CACNA1E: variants seen among roughly 807,000 people sequenced by gnomAD.
The protein encoded by CACNA1E is voltage-dependent R-type calcium channel subunit alpha-1E.
A neutral mutation model predicts 259.2 loss-of-function variants in CACNA1E; 40 were observed. The observed-to-expected ratio is 0.15, with a 90% CI of 0.12 to 0.20. The LOEUF is 0.20. CACNA1E is among the 10% of genes least tolerant of loss of function. The pLI is 1.00. For missense variants in CACNA1E, 1,874 were observed against 3,040.1 expected (o/e 0.62, Z 9.02); for synonymous variants, 1,104 against 1,138.5 (o/e 0.97, Z 0.61).
In CACNA1E at chr1:181,692,259, A is replaced by C. The variant is rs540062278; in HGVS notation, c.1056-18695A>C. Among the ~76,000 whole-genome samples the C allele has an allele frequency of 7.2e-5, 11 of 152,086 alleles. No individual in the cohort carries two copies. The East Asian group carries it at 2.1e-3, about 29-fold the overall frequency. On this transcript the variant is annotated intron_variant, in intron 7 of 47. Transcript: ENST00000367573. ...TACTGCCCAAAGCAACACTATTTCA[A>C]TCAAACTACAAATGTCACTTTTCAC...
chr1:181,333,985 AT>A (rs1451770696), intron 1 of CACNA1E, among the ~76,000 whole-genome samples: 2 of 152,212 alleles, frequency 1.3e-5, no homozygotes, highest in Non-Finnish European at 2.9e-5. Flanking sequence ...GTTGGAATAC[AT>A]TTATAAAGAG....
intron 25 of CACNA1E, among the ~76,000 whole-genome samples, chr1:181,748,565 G>A (rs1213892152): frequency 6.6e-6 from 1 of 152,032 alleles, no homozygotes; most frequent in African/African-American, 2.4e-5. Context: ...AGAAGCTTGG[G>A]GTGTGTGATC....
At chr1:181,372,809 AATATAT>A (rs147359778) in intron 1 of CACNA1E, among the ~76,000 whole-genome samples, 5 of 143,638 alleles carry the variant, frequency 3.5e-5, no homozygotes, top group African/African-American at 5.1e-5. Flanking sequence ...AGGGATGTTG[AATATAT>A]ATATATATAT....
intron 23 of CACNA1E, 45 bp from the exon 24 acceptor site, chr1:181,738,322 G>T: frequency 6.5e-7 from 1 of 1,539,386 alleles, no homozygotes; most frequent in Non-Finnish European, 9.0e-7. Context: ...GTAGTAGCCT[G>T]TTGGCCACAC....
At chr1:181,680,990 T>G (rs1649912402) in intron 7 of CACNA1E, among the ~76,000 whole-genome samples, 1 of 152,356 alleles carries the variant, frequency 6.6e-6, no homozygotes, top group Non-Finnish European at 1.5e-5. Context: ...GCAGTCGCCC[T>G]GGAAGAAGGG....
chr1:181,351,485 G>A (rs765446525), intron 1 of CACNA1E, among the ~76,000 whole-genome samples: 9 of 152,214 alleles, frequency 5.9e-5, no homozygotes, highest in Non-Finnish European at 1.0e-4. Flanking sequence ...TCCTGTGTCT[G>A]CTCTAACAAA....
chr1:181,497,381 A>G (rs138735122), intron 1 of CACNA1E, among the ~76,000 whole-genome samples: 161 of 152,336 alleles, frequency 1.1e-3, no homozygotes, highest in Non-Finnish European at 2.2e-3. Context: ...GCATAATCAT[A>G]TGCCTTACCA....
In CACNA1E at chr1:181,631,113, G is replaced by A. The variant is rs548321600; in HGVS notation, c.952-20225G>A. Among the ~76,000 whole-genome samples, 30 of 152,328 alleles carry A rather than the reference G, an allele frequency of 2.0e-4. No individual in the cohort carries two copies. In the South Asian group the frequency reaches 6.2e-3, roughly 32 times the overall value. ...AAACCTGGCCTGACGCTGCATAGCT[G>A]CAGAATAGGGGAGCTTTCTCGGCCT... On this transcript the variant is annotated intron_variant, in intron 6 of 47. Transcript: ENST00000367573.
chr1:181,441,036 A>G (rs1308451905), intron 2 of CACNA1E, among the ~76,000 whole-genome samples: 1 of 143,114 alleles, frequency 7.0e-6, no homozygotes. Flanking sequence ...AGCTCTTCCC[A>G]AAGTCTGGAA....
At chr1:181,566,396 G>T (rs1014679067) in intron 3 of CACNA1E, among the ~76,000 whole-genome samples, 2 of 152,034 alleles carry the variant, frequency 1.3e-5, no homozygotes, top group Admixed American at 1.3e-4. Context: ...TTTTCTTTTT[G>T]TTATCACCTG....
chr1:181,738,129 G>A (rs1656229871), intron 23 of CACNA1E, among the ~76,000 whole-genome samples: 1 of 152,254 alleles, frequency 6.6e-6, no homozygotes. Context: ...GCCAACGAGA[G>A]GGAGCAGCCA....
chr1:181,661,628 C>T (rs576098740), intron 7 of CACNA1E, among the ~76,000 whole-genome samples: 1 of 152,170 alleles, frequency 6.6e-6, no homozygotes, highest in Non-Finnish European at 1.5e-5. Context: ...GGCCAGTTCA[C>T]AGGAGTAGAG....
intron 35 of CACNA1E, 77 bp downstream of exon 35, chr1:181,766,688 A>G: frequency 2.8e-6 from 3 of 1,059,088 alleles, no homozygotes; most frequent in South Asian, 1.3e-5. Flanking sequence ...CTAAGCATGC[A>G]AGACCTGAAG....
intron 25 of CACNA1E, among the ~76,000 whole-genome samples, chr1:181,743,703 C>T (rs547927360): frequency 5.9e-5 from 9 of 152,198 alleles, no homozygotes; most frequent in Non-Finnish European, 1.3e-4. Context: ...GTGTGTGACA[C>T]CTGCACTCCA....
Position 181,792,829 on chromosome 1 carries a change from C to T in CACNA1E, c.5899-836C>T, listed in dbSNP as rs947988666. Among the ~76,000 whole-genome samples the T allele has an allele frequency of 7.2e-5, 11 of 152,304 alleles. No homozygotes were observed. The East Asian group carries it at 7.7e-4, about 11-fold the overall frequency. ...GCAATGATACTAGCTATCTGTATAG[C>T]GCATGCACAGCTGCCAAACAAGAAT... On this transcript the variant is annotated intron_variant, in intron 44 of 47. Transcript: ENST00000367573.
intron 1 of CACNA1E, among the ~76,000 whole-genome samples, chr1:181,505,945 C>T (rs191402550): frequency 1.4e-3 from 207 of 152,338 alleles, no homozygotes; most frequent in African/African-American, 4.8e-3. Context: ...CAGGCAAGGT[C>T]CTGCCCTGGG....
intron 6 of CACNA1E, among the ~76,000 whole-genome samples, chr1:181,597,819 A>T (rs1196784040): frequency 6.6e-6 from 1 of 152,158 alleles, no homozygotes; most frequent in Non-Finnish European, 1.5e-5. Flanking sequence ...GCTTGTACAG[A>T]AAAACTCCCA....
At chr1:181,665,937 A>C (rs1216988185) in intron 7 of CACNA1E, among the ~76,000 whole-genome samples, 2 of 151,964 alleles carry the variant, frequency 1.3e-5, no homozygotes, top group East Asian at 3.9e-4. Flanking sequence ...ATCACTAAAC[A>C]CACTCTCTAT....
chr1:181,338,436 C>G (rs1651885111), intron 1 of CACNA1E, among the ~76,000 whole-genome samples: 2 of 150,884 alleles, frequency 1.3e-5, no homozygotes, highest in African/African-American at 4.9e-5. Context: ...TGTCGAGCAC[C>G]TTTTTATGCA....
Sources: gnomAD v4.1 joint callset for allele counts (sites outside exome capture counted in the v4.1 genomes callset) on GRCh38, gnomAD v4.1.1 for gene constraint, MANE v1.5 for transcripts, NCBI Gene and HGNC (gene_info 2026-07-23, HGNC 2026-07-21) for gene names.